The following ATP13A5 variants were observed in gnomAD, a reference collection of about 807,000 sequenced individuals.
The protein encoded by ATP13A5 is probable cation-transporting ATPase 13A5.
In ATP13A5, 149 loss-of-function variants were observed where a neutral mutation model predicts 150.2. The observed-to-expected ratio is 0.99, with a 90% CI of 0.87 to 1.14. The LOEUF (loss-of-function observed/expected upper bound fraction) is 1.14, where lower values mean the gene tolerates loss of function less well. ATP13A5 is among the 50% of genes most tolerant of loss of function. The pLI is 0.00. For missense variants in ATP13A5, 1,383 were observed against 1,449.3 expected, an observed-to-expected ratio of 0.95 and a Z score of 0.74; for synonymous variants, 497 against 522.2, an observed-to-expected ratio of 0.95 and a Z score of 0.66.
At chr3:193,307,662 A>G (rs1175168862) in intron 21 of ATP13A5, among the ~76,000 whole-genome samples, 2 of 152,180 alleles carry the variant, frequency 1.3e-5, no homozygotes, top group African/African-American at 4.8e-5. Flanking sequence ...GATGATACGC[A>G]CCAAGGCCAA....
chr3:193,337,111 G>A (rs1430054366), intron 9 of ATP13A5, among the ~76,000 whole-genome samples: 1 of 152,018 alleles, frequency 6.6e-6, no homozygotes, highest in Non-Finnish European at 1.5e-5. Context: ...AAATTTGTTG[G>A]CGTTCTTTGT....
chr3:193,323,067 ATTC>A (rs1368057928), intron 14 of ATP13A5: 1 of 153,672 alleles, frequency 6.5e-6, no homozygotes, highest in Non-Finnish European at 1.4e-5. Flanking sequence ...AATGACGTGT[ATTC>A]TTTGGATATT....
chr3:193,378,180 T>C (rs1034941264), intron 1 of ATP13A5, among the ~76,000 whole-genome samples: 2 of 152,186 alleles, frequency 1.3e-5, no homozygotes, highest in Non-Finnish European at 2.9e-5. Context: ...GGCCACATTC[T>C]ACTCCTTCTT....
intron 19 of ATP13A5, 37 bp downstream of exon 19, chr3:193,313,996 T>A (rs752000221): frequency 6.2e-7 from 1 of 1,607,716 alleles, no homozygotes; most frequent in Non-Finnish European, 8.5e-7. Flanking sequence ...ATTCCATCAG[T>A]CTAGGCCCAC....
rs767426815 is a variant in ATP13A5, at chr3:193,279,455, C to T, written c.3227-1G>A. 1 of 1,610,484 alleles carries T rather than the reference C, an allele frequency of 6.2e-7. No individual in the cohort carries two copies. ...GCTAGCAGCAGAAATGAAAATATAT[C>T]TGAGGAAATACCAAACATTATTTTT... On this transcript the variant is annotated splice_acceptor_variant, in intron 27 of 29. Transcript: ENST00000342358. LOFTEE classifies it high-confidence loss of function.
At chr3:193,296,903 A>T (rs1560119029) in intron 25 of ATP13A5, among the ~76,000 whole-genome samples, 1 of 152,018 alleles carries the variant, frequency 6.6e-6, no homozygotes, top group Non-Finnish European at 1.5e-5. Context: ...TTATAAGTGG[A>T]GCTGAACAGT....
At chr3:193,359,216 C>T (rs1712908132) in intron 5 of ATP13A5, among the ~76,000 whole-genome samples, 1 of 152,126 alleles carries the variant, frequency 6.6e-6, no homozygotes, top group African/African-American at 2.4e-5. Flanking sequence ...CTTCCTTGAT[C>T]CTTCTGTAAA....
chr3:193,315,122 T>G (rs769112551), intron 17 of ATP13A5, 26 bp from the exon 18 acceptor site: 3 of 1,609,802 alleles, frequency 1.9e-6, no homozygotes, highest in Non-Finnish European at 1.7e-6. Context: ...AAAATCAATA[T>G]TAAAGTATAT....
intron 11 of ATP13A5, 36 bp downstream of exon 11, chr3:193,333,714 T>C (rs1284852400): frequency 6.3e-7 from 1 of 1,590,608 alleles, no homozygotes; most frequent in East Asian, 2.2e-5. Context: ...CTTTGCAGAA[T>C]CTATACTATT....
intron 6 of ATP13A5, among the ~76,000 whole-genome samples, chr3:193,353,408 A>G (rs1712645128): frequency 6.6e-6 from 1 of 152,234 alleles, no homozygotes; most frequent in South Asian, 2.1e-4. Flanking sequence ...ACTCTCAAGA[A>G]AATGAAAATA....
chr3:193,359,745 G>T (rs550758340), intron 5 of ATP13A5, among the ~76,000 whole-genome samples: 2 of 152,138 alleles, frequency 1.3e-5, no homozygotes, highest in South Asian at 4.2e-4. Context: ...TTCTTCCTGA[G>T]AGCTAGGTCA....
chr3:193,284,708 G>A (rs1177292343), intron 27 of ATP13A5, among the ~76,000 whole-genome samples: 1 of 152,194 alleles, frequency 6.6e-6, no homozygotes, highest in East Asian at 1.9e-4. Flanking sequence ...TCATGTGACA[G>A]TTAAATAATG....
chr3:193,336,411 C>T (rs564445888), intron 9 of ATP13A5, among the ~76,000 whole-genome samples: 24 of 152,234 alleles, frequency 1.6e-4, no homozygotes, highest in South Asian at 4.2e-4. Flanking sequence ...CGACAGGCCC[C>T]GGTGTGTGAT....
At chr3:193,373,434 G>A (rs931315617) in intron 1 of ATP13A5, among the ~76,000 whole-genome samples, 6 of 125,794 alleles carry the variant, frequency 4.8e-5, no homozygotes, top group African/African-American at 9.4e-5. Flanking sequence ...GTGAGCCACC[G>A]CGCCCAGGCA....
intron 29 of ATP13A5, among the ~76,000 whole-genome samples, 190 bp downstream of exon 29, chr3:193,276,560 T>C (rs1263302068): frequency 6.6e-6 from 1 of 152,250 alleles, no homozygotes; most frequent in Non-Finnish European, 1.5e-5. Context: ...AACATTTCTA[T>C]GCAGACTTCA....
At chr3:193,312,017 G>T in intron 19 of ATP13A5, 76 bp from the exon 20 acceptor site, 1 of 1,551,802 alleles carries the variant, frequency 6.4e-7, no homozygotes, top group Non-Finnish European at 8.7e-7. Context: ...ATTGAAGGAA[G>T]AGTTTTCATG....
Position 193,363,272 on chromosome 3 carries a change from A to C in ATP13A5, c.348T>G (p.Ser116=). The change falls in exon 3 of 30, where the codon TCT becomes TCG. Residue 116 remains serine (S), a synonymous_variant. Coordinates refer to ENST00000342358, the MANE Select transcript of ATP13A5 (RefSeq NM_198505.4). ...WEESLVADRH[S]VINQALIKPE... Reference sequence around the variant, plus strand: ...GCTTTATTAAGGCTTGGTTTATGACAGAGTGGCGGTCAGCCACCAGGGATT... The same window carrying C: ...GCTTTATTAAGGCTTGGTTTATGACCGAGTGGCGGTCAGCCACCAGGGATT... 1 of 1,613,922 alleles carries C rather than the reference A, an allele frequency of 6.2e-7. No homozygotes were observed. The highest frequency in any genetic ancestry group is 8.5e-7 in the Non-Finnish European group (1 of 1,179,804).
At chr3:193,280,668 ACTC>A (rs1177664594) in intron 27 of ATP13A5, among the ~76,000 whole-genome samples, 1 of 151,568 alleles carries the variant, frequency 6.6e-6, no homozygotes, top group Non-Finnish European at 1.5e-5. Context: ...AACCTCACCC[ACTC>A]CTCTGTCAGA....
chr3:193,350,516 C>T (rs1049310546), intron 7 of ATP13A5, among the ~76,000 whole-genome samples: 7 of 152,154 alleles, frequency 4.6e-5, no homozygotes, highest in African/African-American at 1.7e-4. Flanking sequence ...AACCCATCCC[C>T]TAACTCCCAC....
Sources: gnomAD v4.1 joint callset for allele counts (sites outside exome capture counted in the v4.1 genomes callset) on GRCh38, gnomAD v4.1.1 for gene constraint, MANE v1.5 for transcripts, NCBI Gene and HGNC (gene_info 2026-07-23, HGNC 2026-07-21) for gene names.